Variants in SPIDR observed in about 807,000 individuals in gnomAD.
SPIDR encodes scaffold protein involved in DNA repair, also known as DNA repair-scaffolding protein.
A neutral mutation model predicts 104.6 loss-of-function variants in SPIDR; 93 were observed. The observed-to-expected ratio is 0.89, with a 90% confidence interval of 0.75 to 1.06. SPIDR has a LOEUF of 1.06. SPIDR is among the 50% of genes least tolerant of loss of function. SPIDR has a pLI of 0.00. For missense variants in SPIDR, 1,154 were observed against 1,111.2 expected (o/e 1.04, Z -0.55); for synonymous variants, 431 against 416.9 (o/e 1.03, Z -0.41).
chr8:47,413,834 T>C (rs1336053537), intron 7 of SPIDR, among the ~76,000 whole-genome samples: 3 of 152,254 alleles, frequency 2.0e-5, no homozygotes, highest in South Asian at 2.1e-4. Flanking sequence ...TAAAAAAAAC[T>C]GTAGGTTGAG....
chr8:47,416,915 G>C (rs2064423097), intron 7 of SPIDR, among the ~76,000 whole-genome samples: 1 of 146,228 alleles, frequency 6.8e-6, no homozygotes, highest in Non-Finnish European at 1.5e-5. Context: ...TGAGAGTGAT[G>C]GTTTCCAGCT....
chr8:47,400,951 G>C (rs2154316279), intron 6 of SPIDR, among the ~76,000 whole-genome samples: 1 of 152,124 alleles, frequency 6.6e-6, no homozygotes, highest in South Asian at 2.1e-4. Context: ...ATCTAGCGAG[G>C]CAGGCCAACA....
At chr8:47,521,753 G>A (rs1361732262) in intron 8 of SPIDR, among the ~76,000 whole-genome samples, 3 of 152,000 alleles carry the variant, frequency 2.0e-5, no homozygotes, top group Non-Finnish European at 4.4e-5. Flanking sequence ...CTCTACTCAA[G>A]ACAGCTTAGA....
chr8:47,627,696 C>T (rs2066409632), intron 10 of SPIDR, among the ~76,000 whole-genome samples: 1 of 151,992 alleles, frequency 6.6e-6, no homozygotes, highest in Non-Finnish European at 1.5e-5. Flanking sequence ...CCCTCCCTGG[C>T]CCCCAGCACC....
chr8:47,489,153 G>A (rs1271011654), intron 8 of SPIDR, among the ~76,000 whole-genome samples: 4 of 152,172 alleles, frequency 2.6e-5, no homozygotes, highest in Non-Finnish European at 5.9e-5. Flanking sequence ...CTTCAGCAAA[G>A]TCTCAAGATA....
intron 17 of SPIDR, chr8:47,728,674 C>T: frequency 2.9e-6 from 1 of 343,682 alleles, no homozygotes; most frequent in Non-Finnish European, 5.3e-6. Context: ...ACCTCCCTTC[C>T]TGGGAGGCTC....
chr8:47,490,505 G>A (rs749174761), intron 8 of SPIDR, among the ~76,000 whole-genome samples: 22 of 152,182 alleles, frequency 1.4e-4, no homozygotes, highest in Non-Finnish European at 2.6e-4. Context: ...GGTATATACC[G>A]AAAGGATTAT....
At chr8:47,284,191 G>C in intron 3 of SPIDR, 97 bp downstream of exon 3, 1 of 935,556 alleles carries the variant, frequency 1.1e-6, no homozygotes, top group Non-Finnish European at 1.6e-6. Context: ...AAGTGACATG[G>C]TTTGGGTAGA....
At chr8:47,375,233 CTTTTTTTT>C (rs869038432) in intron 5 of SPIDR, among the ~76,000 whole-genome samples, 37 of 53,344 alleles carry the variant, frequency 6.9e-4, no homozygotes, top group Non-Finnish European at 1.2e-3. Flanking sequence ...AGTTAATAGG[CTTTTTTTT>C]TTTTTTTTTT....
chr8:47,379,606 G>A (rs1396873349), intron 5 of SPIDR, among the ~76,000 whole-genome samples: 1 of 152,138 alleles, frequency 6.6e-6, no homozygotes, highest in Non-Finnish European at 1.5e-5. Context: ...AGCTCCATGA[G>A]GTACAGTGAA....
chr8:47,537,376 A>G (rs2087099974), intron 8 of SPIDR, among the ~76,000 whole-genome samples: 1 of 152,232 alleles, frequency 6.6e-6, no homozygotes, highest in Non-Finnish European at 1.5e-5. Context: ...ATAGAATATT[A>G]CTCAGTGACA....
At chr8:47,664,351 A>G (rs2074579687) in intron 10 of SPIDR, among the ~76,000 whole-genome samples, 1 of 152,196 alleles carries the variant, frequency 6.6e-6, no homozygotes, top group Admixed American at 6.5e-5. Context: ...AGAGGTCCAG[A>G]TGTTTGATTT....
chr8:47,648,666 G>A (rs531519906), intron 10 of SPIDR, among the ~76,000 whole-genome samples: 12 of 152,242 alleles, frequency 7.9e-5, no homozygotes, highest in African/African-American at 2.9e-4. Context: ...GTTTGGATGA[G>A]ATAAAATACA....
intron 10 of SPIDR, among the ~76,000 whole-genome samples, chr8:47,637,244 C>T (rs1344524692): frequency 6.6e-6 from 1 of 152,154 alleles, no homozygotes; most frequent in Non-Finnish European, 1.5e-5. Flanking sequence ...ATGACTTTAA[C>T]AGTTTTGAGG....
At chr8:47,555,687 G>T (rs1587700686) in intron 8 of SPIDR, among the ~76,000 whole-genome samples, 1 of 152,194 alleles carries the variant, frequency 6.6e-6, no homozygotes, top group Non-Finnish European at 1.5e-5. Flanking sequence ...TGGCTTCTTT[G>T]TGAAGGGAGA....
intron 16 of SPIDR, among the ~76,000 whole-genome samples, chr8:47,717,608 A>C (rs146037281): frequency 9.1e-4 from 138 of 152,236 alleles, no homozygotes; most frequent in African/African-American, 3.2e-3. Context: ...ACTTTGCTCT[A>C]GGTGGTCAGA....
intron 5 of SPIDR, among the ~76,000 whole-genome samples, chr8:47,324,759 C>T (rs2047380047): frequency 6.6e-6 from 1 of 152,130 alleles, no homozygotes; most frequent in Non-Finnish European, 1.5e-5. Context: ...GTTAGAATAT[C>T]TGAGAAAGTG....
At position 47,712,714 on chromosome 8, in the gene SPIDR, A is replaced by AT. The variant is rs2154488486; in HGVS notation, c.2031dup (p.Val678CysfsTer30). 1.2e-6 allele frequency: 2 copies of AT among 1,614,160 alleles called. No individual in the cohort carries two copies. The highest frequency in any genetic ancestry group is 1.7e-6 in the Non-Finnish European group (2 of 1,180,028). On this transcript the variant is annotated frameshift_variant, in exon 15 of 20. Transcript: ENST00000297423. LOFTEE classifies it high-confidence loss of function. Reference sequence around the variant, plus strand: ...AGGGAGATCTGGCTGCTAGTGACCGATGTCACTCTGCAAACGAAGGAGGAG... The same window carrying AT: ...AGGGAGATCTGGCTGCTAGTGACCGATTGTCACTCTGCAAACGAAGGAGGAG...
intron 1 of SPIDR, among the ~76,000 whole-genome samples, chr8:47,272,728 T>A (rs1248213868): frequency 9.2e-5 from 14 of 152,126 alleles, no homozygotes; most frequent in Non-Finnish European, 4.4e-5. Flanking sequence ...AAAATCTGGG[T>A]TCTTATCTCA....
Sources: allele counts gnomAD v4.1 joint callset (sites outside exome capture counted in the v4.1 genomes callset), GRCh38; gene constraint gnomAD v4.1.1; transcripts MANE v1.5; gene names NCBI Gene and HGNC (gene_info 2026-07-23, HGNC 2026-07-21).